The following FRMD6 variants were observed in gnomAD, a reference collection of about 807,000 sequenced individuals.
FRMD6 encodes FERM domain-containing protein 6.
FRMD6 carries 37 observed loss-of-function variants against 73.2 expected under a neutral mutation model. The observed-to-expected ratio is 0.51, with a 90% CI of 0.39 to 0.66. The LOEUF is 0.66. Among genes scored for constraint, FRMD6 ranks in the 30% least tolerant of loss-of-function variants. FRMD6 has a pLI of 0.00. For synonymous variants in FRMD6, 273 were observed against 282.2 expected, an observed-to-expected ratio of 0.97 and a Z score of 0.33; for missense variants, 714 against 780.5, an observed-to-expected ratio of 0.91 and a Z score of 1.02.
At chr14:51,643,235 G>GT (rs34996375) in intron 2 of FRMD6, among the ~76,000 whole-genome samples, 57,599 of 151,988 alleles carry the variant, frequency 0.38, 11,179 homozygotes, top group Middle Eastern at 0.45. Context: ...ACCAGCAAGA[G>GT]TAAGGCTCGG....
At chr14:51,631,284 A>G (rs1408818389) in intron 2 of FRMD6, among the ~76,000 whole-genome samples, 1 of 152,226 alleles carries the variant, frequency 6.6e-6, no homozygotes, top group African/African-American at 2.4e-5. Flanking sequence ...AGCACTTACA[A>G]GAAGTTACAG....
rs570706088 is a variant in FRMD6, at chr14:51,600,085, G to A, written c.-147+29675G>A. 5 of 151,856 alleles carry A rather than the reference G, an allele frequency of 3.3e-5. No individual in the cohort carries two copies. In the South Asian group the frequency reaches 1.0e-3, roughly 32 times the overall value. 9.4% of individuals were successfully genotyped at this position (151,856 alleles called of 1,614,324 possible). A position where few individuals can be genotyped will look rare whatever the true frequency, so the allele number is the denominator to read the frequency against. ...CACTTTGTAAATTCAAGATGACATT[G>A]TTACTGTTCTAATTTTTTTAAAATT... On this transcript the variant is annotated intron_variant, in intron 2 of 14. Coordinates refer to the FRMD6 transcript ENST00000356218.
chr14:51,492,509 C>G (rs1467329075), intron 1 of FRMD6, among the ~76,000 whole-genome samples: 1 of 151,984 alleles, frequency 6.6e-6, no homozygotes, highest in Non-Finnish European at 1.5e-5. Flanking sequence ...ATACCGAGAC[C>G]TATCCCCTTA....
chr14:51,609,869 T>C (rs1308514987), intron 2 of FRMD6, among the ~76,000 whole-genome samples: 1 of 152,192 alleles, frequency 6.6e-6, no homozygotes, highest in Admixed American at 6.5e-5. Flanking sequence ...TCATCCAAAA[T>C]AGGCACATAC....
intron 1 of FRMD6, among the ~76,000 whole-genome samples, chr14:51,529,774 T>G (rs562048862): frequency 1.3e-5 from 2 of 152,294 alleles, no homozygotes; most frequent in Admixed American, 1.3e-4. Flanking sequence ...CACACAGCCA[T>G]TTTTACCCTT....
the FRMD6 span, among the ~76,000 whole-genome samples, chr14:51,419,961 C>T: frequency 6.6e-6 from 1 of 151,580 alleles, no homozygotes; most frequent in Non-Finnish European, 1.5e-5. Flanking sequence ...CATGGGACTT[C>T]CTGCCCTCGT....
At chr14:51,621,148 AT>A (rs532114724) in intron 2 of FRMD6, among the ~76,000 whole-genome samples, 14 of 149,148 alleles carry the variant, frequency 9.4e-5, no homozygotes, top group East Asian at 2.0e-4. Context: ...TTAAACTTCA[AT>A]TTTTTTTTTT....
chr14:51,406,736 T>C, the FRMD6 span, among the ~76,000 whole-genome samples: 2 of 152,184 alleles, frequency 1.3e-5, no homozygotes, highest in Non-Finnish European at 1.5e-5. Context: ...TACTTCCATA[T>C]GTATTTGTAA....
the FRMD6 span, among the ~76,000 whole-genome samples, chr14:51,440,208 A>C: frequency 6.6e-6 from 1 of 152,274 alleles, no homozygotes; most frequent in Non-Finnish European, 1.5e-5. Flanking sequence ...TGATGTTAGT[A>C]GTAATGATCT....
chr14:51,497,836 C>A lies in FRMD6; in HGVS notation c.-210+8416C>A, dbSNP rs536350659. ...CCTGGGCAGCCCAGCTCTATATTAC[C>A]CAGAGATATTTTGGGATGAGGCTTC... On this transcript the variant is annotated intron_variant, in intron 1 of 14. Coordinates refer to the FRMD6 transcript ENST00000356218. Among the ~76,000 whole-genome samples the A allele has an allele frequency of 2.0e-5, 3 of 152,232 alleles. No individual in the cohort carries two copies. In the South Asian group the frequency reaches 6.2e-4, roughly 32 times the overall value.
chr14:51,603,303 G>A (rs1373848860), intron 2 of FRMD6, among the ~76,000 whole-genome samples: 1 of 152,184 alleles, frequency 6.6e-6, no homozygotes, highest in East Asian at 1.9e-4. Context: ...ACTAAGACAA[G>A]TGGCATAAAA....
chr14:51,405,704 T>C, the FRMD6 span, among the ~76,000 whole-genome samples: 5 of 152,206 alleles, frequency 3.3e-5, no homozygotes, highest in African/African-American at 1.2e-4. Context: ...TGTATATTTG[T>C]TTAAATTCCT....
chr14:51,537,630 T>G (rs1885970684), intron 1 of FRMD6, among the ~76,000 whole-genome samples: 1 of 152,232 alleles, frequency 6.6e-6, no homozygotes, highest in South Asian at 2.1e-4. Flanking sequence ...TCTGTAGCAA[T>G]GAATGAGAGT....
At chr14:51,580,971 C>A (rs1466349950) in intron 2 of FRMD6, among the ~76,000 whole-genome samples, 1 of 152,032 alleles carries the variant, frequency 6.6e-6, no homozygotes, top group East Asian at 1.9e-4. Context: ...AGGAACCAAA[C>A]GAAGACCTAT....
intron 2 of FRMD6, 133 bp downstream of exon 2, chr14:51,690,068 A>C: frequency 2.9e-6 from 2 of 691,462 alleles, no homozygotes; most frequent in Non-Finnish European, 5.3e-6. Flanking sequence ...TGGGTTGTCA[A>C]ATAGTCCATA....
chr14:51,623,068 GT>G (rs1479721481), intron 2 of FRMD6, among the ~76,000 whole-genome samples: 4 of 151,960 alleles, frequency 2.6e-5, no homozygotes, highest in Non-Finnish European at 5.9e-5. Flanking sequence ...AAGATCCTCT[GT>G]TTTCTTGGAT....
At chr14:51,577,902 G>A (rs1888493248) in intron 2 of FRMD6, among the ~76,000 whole-genome samples, 1 of 152,112 alleles carries the variant, frequency 6.6e-6, no homozygotes, top group African/African-American at 2.4e-5. Flanking sequence ...AACTTGGCTA[G>A]TTCCTTGATC....
At chr14:51,523,968 G>C (rs1317151252) in intron 1 of FRMD6, among the ~76,000 whole-genome samples, 1 of 152,220 alleles carries the variant, frequency 6.6e-6, no homozygotes, top group African/African-American at 2.4e-5. Context: ...TTTTGTGCTA[G>C]CAATATCAGG....
At chr14:51,602,797 A>T (rs1890090918) in intron 2 of FRMD6, among the ~76,000 whole-genome samples, 1 of 152,238 alleles carries the variant, frequency 6.6e-6, no homozygotes, top group African/African-American at 2.4e-5. Context: ...CCCTTTCATA[A>T]AATATTAGAA....
Sources: gnomAD v4.1 joint callset for allele counts (sites outside exome capture counted in the v4.1 genomes callset) on GRCh38, gnomAD v4.1.1 for gene constraint, MANE v1.5 for transcripts, NCBI Gene and HGNC (gene_info 2026-07-23, HGNC 2026-07-21) for gene names.